The following SLC44A1 variants were observed in gnomAD, a reference collection of about 807,000 sequenced individuals.
SLC44A1 encodes choline transporter-like protein 1.
Under a neutral mutation model 79.3 loss-of-function variants are expected in SLC44A1, and 26 were observed. The ratio of observed to expected loss-of-function variants is 0.33; its 90% CI spans 0.24 to 0.46. The LOEUF (loss-of-function observed/expected upper bound fraction) is 0.46. Ranked by LOEUF, SLC44A1 falls within the 20% of genes least tolerant of loss-of-function variation. The pLI is 1.00. For synonymous variants in SLC44A1, 263 were observed against 286.2 expected, an observed-to-expected ratio of 0.92 and a Z score of 0.82; for missense variants, 688 against 798.1, an observed-to-expected ratio of 0.86 and a Z score of 1.66.
intron 15 of SLC44A1, among the ~76,000 whole-genome samples, chr9:105,406,599 G>A (rs28848179): frequency 0.062 from 9,363 of 151,982 alleles, 587 homozygotes; most frequent in African/African-American, 0.16. Context: ...AAAAGTAGCC[G>A]AACATGGTGG....
chr9:105,410,018 T>C (rs1829075192), intron 15 of SLC44A1, among the ~76,000 whole-genome samples: 1 of 152,118 alleles, frequency 6.6e-6, no homozygotes, highest in Non-Finnish European at 1.5e-5. Context: ...TAGGTCAAAA[T>C]AGAATGAAAT....
chr9:105,290,769 C>G (rs1485449246), intron 1 of SLC44A1, among the ~76,000 whole-genome samples: 4 of 152,220 alleles, frequency 2.6e-5, no homozygotes, highest in Admixed American at 6.5e-5. Context: ...CAAAGCAGCT[C>G]TAGTTGCCAT....
intron 1 of SLC44A1, among the ~76,000 whole-genome samples, chr9:105,293,876 C>T (rs527556148): frequency 4.6e-5 from 7 of 152,294 alleles, no homozygotes; most frequent in South Asian, 4.2e-4. Context: ...GTTATTAGGG[C>T]TCATGGTGAA....
chr9:105,411,021 C>G (rs1829088233), intron 15 of SLC44A1, among the ~76,000 whole-genome samples: 1 of 152,130 alleles, frequency 6.6e-6, no homozygotes, highest in Admixed American at 6.5e-5. Context: ...TCATGCTTAT[C>G]AGGCACTGGG....
chr9:105,408,322 T>A (rs1829054616), intron 15 of SLC44A1, among the ~76,000 whole-genome samples: 1 of 152,112 alleles, frequency 6.6e-6, no homozygotes, highest in Non-Finnish European at 1.5e-5. Context: ...TACAAAAAAA[T>A]AAAAAATAAA....
chr9:105,360,727 T>C (rs1422056662), intron 7 of SLC44A1, among the ~76,000 whole-genome samples: 2 of 152,222 alleles, frequency 1.3e-5, no homozygotes, highest in Non-Finnish European at 2.9e-5. Context: ...CTTAATCAAC[T>C]GCATTACTGT....
rs1037058960 is a variant in SLC44A1, at chr9:105,390,934, T to C, written c.*1878T>C. On this transcript the variant is annotated 3_prime_UTR_variant, in exon 16 of 16. Coordinates refer to ENST00000374720, the MANE Select transcript of SLC44A1 (RefSeq NM_080546.5). The stretch of plus-strand genomic sequence containing the variant: ...AGTATCGCTGTTCTCTTTTATTCAT[T>C]TGAAATGAATATAATTATATAACTA... 2 of 981,702 alleles carry C rather than the reference T, an allele frequency of 2.0e-6. No individual in the cohort carries two copies. The highest frequency in any genetic ancestry group is 2.3e-4 in the East Asian group (2 of 8,800). 60.8% of individuals were successfully genotyped at this position (981,702 alleles called of 1,614,324 possible).
intron 1 of SLC44A1, among the ~76,000 whole-genome samples, chr9:105,289,326 A>C (rs1215097111): frequency 6.6e-6 from 1 of 152,234 alleles, no homozygotes; most frequent in Non-Finnish European, 1.5e-5. Context: ...ATTTAGGGGA[A>C]GCTTCTGTAC....
intron 1 of SLC44A1, among the ~76,000 whole-genome samples, chr9:105,293,248 T>G (rs1830645182): frequency 6.6e-6 from 1 of 152,204 alleles, no homozygotes; most frequent in Non-Finnish European, 1.5e-5. Context: ...TAAAACCTGG[T>G]GTATGAAGGA....
chr9:105,350,257 G>A (rs1827363834), intron 5 of SLC44A1, among the ~76,000 whole-genome samples: 1 of 152,160 alleles, frequency 6.6e-6, no homozygotes, highest in African/African-American at 2.4e-5. Flanking sequence ...TAAAAGAGAA[G>A]AACATTTGAT....
At chr9:105,267,458 G>A (rs1274645375) in intron 1 of SLC44A1, among the ~76,000 whole-genome samples, 5 of 151,592 alleles carry the variant, frequency 3.3e-5, no homozygotes, top group East Asian at 3.9e-4. Flanking sequence ...TTTCTTCCCC[G>A]TTTCTGAATT....
At chr9:105,271,224 G>T (rs1830068667) in intron 1 of SLC44A1, among the ~76,000 whole-genome samples, 1 of 152,182 alleles carries the variant, frequency 6.6e-6, no homozygotes, top group Admixed American at 6.5e-5. Flanking sequence ...GATTCCTGCT[G>T]TCAGACCTTG....
intron 3 of SLC44A1, among the ~76,000 whole-genome samples, chr9:105,324,273 C>T (rs1383293528): frequency 5.4e-5 from 8 of 148,572 alleles, no homozygotes; most frequent in Non-Finnish European, 1.5e-5. Flanking sequence ...TTTTTAAAGA[C>T]AGAGTTTCAC....
intron 3 of SLC44A1, among the ~76,000 whole-genome samples, chr9:105,328,310 A>G (rs1826645494): frequency 1.3e-5 from 2 of 152,224 alleles, no homozygotes; most frequent in South Asian, 4.1e-4. Context: ...CAAAGCAGGA[A>G]AGATGAAGGC....
chr9:105,391,469 G>A lies in SLC44A1; in HGVS notation c.*2413G>A, dbSNP rs748589057. The A allele has an allele frequency of 1.0e-6, 1 of 985,534 alleles. No individual in the cohort carries two copies. The highest frequency in any genetic ancestry group is 6.2e-5 in the Admixed American group (1 of 16,256). The allele number at this position is 985,534 out of a possible 1,614,324, so 61.0% of individuals were successfully genotyped here. ...TGAGTTGCAAATTAATTGCCAGGCT[G>A]TTTTCCTTAAGTAAATTCATGTGCC... On this transcript the variant is annotated 3_prime_UTR_variant, in exon 16 of 16. Transcript: ENST00000374720.
At chr9:105,245,682 T>G (rs1354128373) in intron 1 of SLC44A1, among the ~76,000 whole-genome samples, 4 of 152,212 alleles carry the variant, frequency 2.6e-5, no homozygotes, top group Non-Finnish European at 5.9e-5. Context: ...AGGAAGAGGT[T>G]CCGAATTTAG....
intron 1 of SLC44A1, among the ~76,000 whole-genome samples, chr9:105,297,250 T>C (rs1313567842): frequency 1.3e-5 from 2 of 152,236 alleles, no homozygotes; most frequent in Non-Finnish European, 2.9e-5. Context: ...CTTTAGGGGT[T>C]AGGAAGAAAT....
intron 15 of SLC44A1, among the ~76,000 whole-genome samples, chr9:105,412,929 A>G (rs112246257): frequency 2.6e-5 from 4 of 152,250 alleles, no homozygotes; most frequent in African/African-American, 9.6e-5. Flanking sequence ...TTATAGGTCA[A>G]TCCACACCTG....
chr9:105,368,219 T>TTTTTTTACAGA (rs201410170), intron 12 of SLC44A1, among the ~76,000 whole-genome samples: 3,322 of 152,212 alleles, frequency 0.022, 219 homozygotes, highest in East Asian at 0.2. Flanking sequence ...TTTTACAGAT[T>TTTTTTTACAGA]TTGTCCATTT....
Sources: allele counts gnomAD v4.1 joint callset (sites outside exome capture counted in the v4.1 genomes callset), GRCh38; gene constraint gnomAD v4.1.1; transcripts MANE v1.5; gene names NCBI Gene and HGNC (gene_info 2026-07-23, HGNC 2026-07-21).